Variants in KCNQ5 observed in about 807,000 individuals in gnomAD.
KCNQ5 encodes potassium voltage-gated channel subfamily Q member 5.
KCNQ5 carries 30 observed loss-of-function variants against 98.2 expected under a neutral mutation model. The ratio of observed to expected loss-of-function variants is 0.31; its 90% CI spans 0.23 to 0.41. KCNQ5 has a LOEUF of 0.41. KCNQ5 is among the 10% of genes least tolerant of loss of function. KCNQ5 has a pLI of 1.00. For missense variants in KCNQ5, 835 were observed against 1,182.5 expected (o/e 0.71, Z 4.31); for synonymous variants, 458 against 449.4 (o/e 1.02, Z -0.24).
chr6:73,073,055 T>C (rs565017059), intron 3 of KCNQ5, among the ~76,000 whole-genome samples: 1 of 152,358 alleles, frequency 6.6e-6, no homozygotes, highest in East Asian at 1.9e-4. Flanking sequence ...TTCTCTTCTC[T>C]GAATGCTTTA....
Position 72,899,539 on chromosome 6 carries a change from C to T in KCNQ5, c.399-104369C>T, listed in dbSNP as rs185190384. 1.4e-4 allele frequency among the ~76,000 whole-genome samples: 22 copies of T among 152,190 alleles called. No homozygotes were observed. In the East Asian group the frequency reaches 4.0e-3, roughly 28 times the overall value. ...TCTGCACTGTGTAAAATTTTTATCTCAAATTTAATTATTTTGATAATAAAA... is the reference window on the plus strand; with the variant it reads ...TCTGCACTGTGTAAAATTTTTATCTTAAATTTAATTATTTTGATAATAAAA... On this transcript the variant is annotated intron_variant, in intron 1 of 13. Coordinates refer to ENST00000370398, the MANE Select transcript of KCNQ5 (RefSeq NM_019842.4).
chr6:73,080,919 C>T (rs1163788719), intron 5 of KCNQ5, among the ~76,000 whole-genome samples: 1 of 152,036 alleles, frequency 6.6e-6, no homozygotes, highest in Non-Finnish European at 1.5e-5. Context: ...ATCAGTGCTG[C>T]CCAAAAAACT....
chr6:73,186,248 A>G (rs1362310314), intron 11 of KCNQ5, among the ~76,000 whole-genome samples: 1 of 152,032 alleles, frequency 6.6e-6, no homozygotes, highest in Non-Finnish European at 1.5e-5. Context: ...AGAGAAAAAG[A>G]AAGACAGTCT....
intron 2 of KCNQ5, among the ~76,000 whole-genome samples, chr6:73,031,580 G>C (rs980644089): frequency 6.6e-6 from 1 of 152,292 alleles, no homozygotes; most frequent in East Asian, 1.9e-4. Context: ...ACGACAATGG[G>C]TAAGGCATTT....
intron 2 of KCNQ5, among the ~76,000 whole-genome samples, chr6:73,005,717 C>T (rs1769783254): frequency 6.6e-6 from 1 of 152,178 alleles, no homozygotes; most frequent in African/African-American, 2.4e-5. Flanking sequence ...GTCTTGAATG[C>T]TTTCTGATTT....
intron 1 of KCNQ5, among the ~76,000 whole-genome samples, chr6:72,654,590 A>G (rs1766049445): frequency 6.6e-6 from 1 of 152,092 alleles, no homozygotes; most frequent in African/African-American, 2.4e-5. Context: ...ACACAAGACT[A>G]GAGGCTGAAG....
chr6:72,681,427 G>A (rs771495402), intron 1 of KCNQ5, among the ~76,000 whole-genome samples: 2 of 152,196 alleles, frequency 1.3e-5, no homozygotes, highest in African/African-American at 2.4e-5. Flanking sequence ...GGCAAGAGAA[G>A]TATGCCACTG....
chr6:72,952,882 T>A (rs1353171462), intron 1 of KCNQ5, among the ~76,000 whole-genome samples: 1 of 152,246 alleles, frequency 6.6e-6, no homozygotes, highest in Non-Finnish European at 1.5e-5. Flanking sequence ...TTTTGTTGTT[T>A]TAACTTAAAA....
chr6:72,782,243 C>CCT (rs141220546), intron 1 of KCNQ5, among the ~76,000 whole-genome samples: 7,778 of 147,682 alleles, frequency 0.053, 522 homozygotes, highest in African/African-American at 0.16. Flanking sequence ...TCTTATGCAC[C>CCT]CTCTCTCTCT....
At chr6:73,008,335 A>G (rs1769908265) in intron 2 of KCNQ5, among the ~76,000 whole-genome samples, 1 of 152,190 alleles carries the variant, frequency 6.6e-6, no homozygotes, top group Non-Finnish European at 1.5e-5. Flanking sequence ...ATAAAAATAC[A>G]TCATTCAACT....
chr6:72,776,871 A>G (rs1326171737), intron 1 of KCNQ5, among the ~76,000 whole-genome samples: 1 of 152,192 alleles, frequency 6.6e-6, no homozygotes, highest in African/African-American at 2.4e-5. Flanking sequence ...AGCAGACATG[A>G]GGCCAGGGTG....
chr6:72,800,506 T>G (rs1774585941), intron 1 of KCNQ5, among the ~76,000 whole-genome samples: 1 of 152,184 alleles, frequency 6.6e-6, no homozygotes. Flanking sequence ...TCTATTTGAT[T>G]CTTCTCTCTT....
chr6:73,158,115 C>G (rs6453645), intron 10 of KCNQ5: 297,413 of 433,050 alleles, frequency 0.69, 104,913 homozygotes, highest in East Asian at 0.89. Context: ...CCGCCGCGCT[C>G]GCCCTCCCGC....
intron 10 of KCNQ5, among the ~76,000 whole-genome samples, chr6:73,166,297 A>G (rs1815727): frequency 0.71 from 107,419 of 151,488 alleles, 39,342 homozygotes; most frequent in African/African-American, 0.88. Context: ...GTAGCTGGGC[A>G]TGGTGGCGGG....
intron 5 of KCNQ5, among the ~76,000 whole-genome samples, chr6:73,092,232 T>C (rs534833903): frequency 1.7e-4 from 26 of 152,340 alleles, no homozygotes; most frequent in South Asian, 1.5e-3. Flanking sequence ...GAATTTTATA[T>C]CCAGAAAGTT....
intron 10 of KCNQ5, among the ~76,000 whole-genome samples, chr6:73,148,813 A>C (rs1172544829): frequency 6.6e-6 from 1 of 152,056 alleles, no homozygotes; most frequent in East Asian, 1.9e-4. Context: ...ATTTATTTCA[A>C]CTGGCTGTTG....
chr6:73,109,208 C>T (rs757485865), intron 6 of KCNQ5, among the ~76,000 whole-genome samples: 9 of 152,142 alleles, frequency 5.9e-5, no homozygotes, highest in Non-Finnish European at 1.2e-4. Context: ...TATATGTTTC[C>T]GAGCAATGCC....
intron 1 of KCNQ5, among the ~76,000 whole-genome samples, chr6:72,649,860 T>G (rs1765787332): frequency 6.6e-6 from 1 of 152,154 alleles, no homozygotes; most frequent in African/African-American, 2.4e-5. Flanking sequence ...TAACACATTT[T>G]ATTCACCTGG....
chr6:72,890,322 A>C (rs982797528), intron 1 of KCNQ5, among the ~76,000 whole-genome samples: 2 of 151,216 alleles, frequency 1.3e-5, no homozygotes, highest in African/African-American at 4.8e-5. Context: ...TATCCTCTTA[A>C]CATACTTTAA....
Sources: gnomAD v4.1 joint callset for allele counts (sites outside exome capture counted in the v4.1 genomes callset) on GRCh38, gnomAD v4.1.1 for gene constraint, MANE v1.5 for transcripts, NCBI Gene and HGNC (gene_info 2026-07-23, HGNC 2026-07-21) for gene names.